Variants in NAV1 observed in about 807,000 individuals in gnomAD.
NAV1 encodes the protein neuron navigator 1.
Under a neutral mutation model 175.2 loss-of-function variants are expected in NAV1, and 18 were observed. That is an observed-to-expected ratio of 0.10 (90% CI 0.07 to 0.15). NAV1 has a LOEUF of 0.15. Ranked by LOEUF, NAV1 falls within the 10% of genes least tolerant of loss-of-function variation. The pLI is 1.00. For synonymous variants in NAV1, 897 were observed against 978.7 expected (o/e 0.92, Z 1.56); for missense variants, 1,731 against 2,436.6 (o/e 0.71, Z 6.10).
At chr1:201,752,266 G>A (rs1674165653) in intron 3 of NAV1, among the ~76,000 whole-genome samples, 1 of 152,196 alleles carries the variant, frequency 6.6e-6, no homozygotes. Context: ...CATGGTGAGG[G>A]TGACAACTCA....
chr1:201,549,683 G>A (rs61819693), intron 1 of NAV1, among the ~76,000 whole-genome samples: 149,476 of 149,492 alleles, frequency 1, 74,730 homozygotes, highest in Middle Eastern at 1. Flanking sequence ...GCAGGTTACA[G>A]CCTGCCCAGC....
chr1:201,786,753 G>T (rs1158493450), intron 9 of NAV1, among the ~76,000 whole-genome samples, 176 bp downstream of exon 13: 1 of 152,222 alleles, frequency 6.6e-6, no homozygotes, highest in African/African-American at 2.4e-5. Context: ...AGTACTTTGA[G>T]ATCCTAAACT....
chr1:201,649,190 C>T (rs1487901879), exon 1 of NAV1: 2 of 1,612,496 alleles, frequency 1.2e-6, no homozygotes, highest in Non-Finnish European at 1.7e-6. Flanking sequence ...CGAGCCGGAT[C>T]CCTCGAGGAC....
chr1:201,777,814 A>G (rs1436578150), intron 3 of NAV1, among the ~76,000 whole-genome samples: 1 of 152,018 alleles, frequency 6.6e-6, no homozygotes. Context: ...GCATACCTGT[A>G]ATCCCAGCTA....
chr1:201,663,378 G>T (rs1422066333), intron 1 of NAV1, among the ~76,000 whole-genome samples: 1 of 152,214 alleles, frequency 6.6e-6, no homozygotes, highest in Non-Finnish European at 1.5e-5. Flanking sequence ...CCAATCCTTA[G>T]CCTGGGCCTG....
At chr1:201,672,279 TTGTA>T (rs1670071573) in intron 1 of NAV1, among the ~76,000 whole-genome samples, 1 of 152,246 alleles carries the variant, frequency 6.6e-6, no homozygotes, top group African/African-American at 2.4e-5. Flanking sequence ...GATTTCTTGA[TTGTA>T]TTGTATGTGG....
chr1:201,615,187 C>T (rs1464376082), intron 2 of NAV1, among the ~76,000 whole-genome samples: 3 of 152,172 alleles, frequency 2.0e-5, no homozygotes, highest in East Asian at 3.8e-4. Context: ...AATTTGGCAA[C>T]TTCCCTTTGG....
At chr1:201,593,022 C>T (rs1020593593) in intron 2 of NAV1, among the ~76,000 whole-genome samples, 12 of 152,152 alleles carry the variant, frequency 7.9e-5, no homozygotes, top group African/African-American at 2.7e-4. Flanking sequence ...GCATGAGGCT[C>T]CTATCACCAA....
At chr1:201,620,667 C>T (rs976214023), upstream of NAV1, among the ~76,000 whole-genome samples, 3 of 151,808 alleles carry the variant, frequency 2.0e-5, no homozygotes, top group African/African-American at 7.3e-5. Flanking sequence ...TGAGGTTTTG[C>T]CATGTTGGTC....
intron 1 of NAV1, among the ~76,000 whole-genome samples, chr1:201,585,621 CA>C (rs146902321): frequency 0.1 from 15,547 of 151,358 alleles, 976 homozygotes; most frequent in East Asian, 0.14. Flanking sequence ...TTAACAATGA[CA>C]AAAAAAACTG....
rs1449416935 is a variant in NAV1 at position 201,694,770 on chromosome 1, C to A, written c.758-18047C>A. ...CTCCAGAGTGACGCAGTGGGACGAG[C>A]CCTGGAGCTGGAGACAGAGAAGCTG... On this transcript the variant is annotated intron_variant, in intron 1 of 29. Coordinates refer to ENST00000367296, the Ensembl canonical transcript of NAV1. This position sits in a 1 kb window ranked among gnomAD's most constrained non-coding sequence, Gnocchi z 4.2. 6.6e-6 allele frequency among the ~76,000 whole-genome samples: 1 copy of A among 152,182 alleles called. No homozygotes were observed. Among genetic ancestry groups the A allele is most frequent in the East Asian group, 1.9e-4 (1 of 5,188 alleles).
chr1:201,609,768 C>T (rs1667794503), intron 2 of NAV1, among the ~76,000 whole-genome samples: 1 of 152,096 alleles, frequency 6.6e-6, no homozygotes, highest in Non-Finnish European at 1.5e-5. Context: ...TATTCAGCAG[C>T]TCCAGTGTCC....
chr1:201,723,418 A>C (rs886552764), intron 3 of NAV1: 1 of 152,166 alleles, frequency 6.6e-6, no homozygotes, highest in Non-Finnish European at 1.5e-5. Context: ...CCTTTGATGC[A>C]CAAAAGCTTT....
intron 3 of NAV1, among the ~76,000 whole-genome samples, chr1:201,749,072 C>G (rs554222266): frequency 1.3e-5 from 2 of 152,042 alleles, no homozygotes; most frequent in Admixed American, 1.3e-4. Flanking sequence ...TGCTTGAAAC[C>G]GGGAGGCGGA....
chr1:201,556,001 G>A (rs775957883), intron 1 of NAV1, among the ~76,000 whole-genome samples: 21 of 152,166 alleles, frequency 1.4e-4, no homozygotes, highest in Non-Finnish European at 2.9e-5. Context: ...TTTCAGGTCC[G>A]AAAGTGGGGA....
exon 30 of NAV1, chr1:201,822,726 G>A (rs765750285): frequency 6.5e-6 from 1 of 152,682 alleles, no homozygotes; most frequent in African/African-American, 2.4e-5. Context: ...TTCCCGTCTA[G>A]TGAGGTAGTA....
upstream of NAV1, among the ~76,000 whole-genome samples, chr1:201,619,545 T>C (rs1668098781): frequency 6.6e-6 from 1 of 152,234 alleles, no homozygotes; most frequent in Non-Finnish European, 1.5e-5. Context: ...GTTGAATAAT[T>C]TACCCAGATT....
intron 1 of NAV1, among the ~76,000 whole-genome samples, chr1:201,549,123 CTTTCTTTCTT>C (rs1557992197): frequency 6.7e-6 from 1 of 148,266 alleles, no homozygotes; most frequent in Non-Finnish European, 1.5e-5. Flanking sequence ...TTCTTTCTTT[CTTTCTTTCTT>C]TCTTTCTTTC....
exon 2 of NAV1, chr1:201,712,819 C>A: frequency 6.2e-7 from 1 of 1,611,052 alleles, no homozygotes; most frequent in Non-Finnish European, 8.5e-7. Context: ...CCTACCAGAC[C>A]CAGAGTCCCA....
Sources: gnomAD v4.1 joint callset for allele counts (sites outside exome capture counted in the v4.1 genomes callset) on GRCh38, gnomAD v4.1.1 for gene constraint, Gnocchi (gnomAD v3.1) non-coding constraint, MANE v1.5 for transcripts, NCBI Gene and HGNC (gene_info 2026-07-23, HGNC 2026-07-21) for gene names.